The following DAB1 variants were observed in gnomAD, a reference collection of about 807,000 sequenced individuals.
DAB1 encodes the protein disabled homolog 1.
In DAB1, 15 loss-of-function variants were observed where a neutral mutation model predicts 64.6. That is an observed-to-expected ratio of 0.23 (90% CI 0.16 to 0.36). The LOEUF (loss-of-function observed/expected upper bound fraction) is 0.36, where lower values mean the gene tolerates loss of function less well. DAB1 is among the 10% of genes least tolerant of loss of function. DAB1 has a pLI of 1.00. For missense variants in DAB1, 596 were observed against 706.7 expected (o/e 0.84, Z 1.78); for synonymous variants, 235 against 251.9 (o/e 0.93, Z 0.64).
chr1:57,504,837 C>T (rs1390618286), intron 7 of DAB1, among the ~76,000 whole-genome samples: 1 of 152,192 alleles, frequency 6.6e-6, no homozygotes, highest in African/African-American at 2.4e-5. Flanking sequence ...TTCCAAAAAT[C>T]TATAACCCCA....
intron 7 of DAB1, among the ~76,000 whole-genome samples, chr1:57,639,002 T>A (rs1646094009): frequency 8.7e-6 from 1 of 114,608 alleles, no homozygotes; most frequent in Non-Finnish European, 1.8e-5. Context: ...AATAACTTTA[T>A]AAAGTTCTTC....
At chr1:57,464,391 C>T (rs546089297) in intron 7 of DAB1, among the ~76,000 whole-genome samples, 3 of 152,144 alleles carry the variant, frequency 2.0e-5, no homozygotes, top group South Asian at 2.1e-4. Flanking sequence ...ATTTAAAAAT[C>T]GCTTTCTCAA....
upstream of DAB1, among the ~76,000 whole-genome samples, chr1:57,425,735 C>A (rs1685260154): frequency 6.6e-6 from 1 of 152,150 alleles, no homozygotes; most frequent in East Asian, 1.9e-4. Context: ...GAGGTCCTAT[C>A]CCTGATACTA....
upstream of DAB1, among the ~76,000 whole-genome samples, chr1:57,425,140 A>G (rs1226351239): frequency 2.0e-5 from 3 of 152,134 alleles, no homozygotes; most frequent in African/African-American, 7.2e-5. Context: ...AATGCAGGAG[A>G]AGAGAGGAGC....
At chr1:57,154,304 T>G (rs934032753) in intron 2 of DAB1, among the ~76,000 whole-genome samples, 1 of 152,224 alleles carries the variant, frequency 6.6e-6, no homozygotes, top group Non-Finnish European at 1.5e-5. Flanking sequence ...TGTCTTTCTG[T>G]GCCTGGCTTA....
intron 7 of DAB1, among the ~76,000 whole-genome samples, chr1:57,468,073 T>C (rs564378624): frequency 1.3e-5 from 2 of 152,328 alleles, no homozygotes; most frequent in Admixed American, 1.3e-4. Flanking sequence ...TTCAGCACAC[T>C]GAACTATATT....
intron 5 of DAB1, chr1:58,150,374 G>C (rs902548157): frequency 6.6e-6 from 1 of 152,132 alleles, no homozygotes; most frequent in Non-Finnish European, 1.5e-5. Context: ...TCCTTTGTCT[G>C]AGCAAGGCAT....
chr1:58,132,021 T>G (rs929882753), intron 5 of DAB1, among the ~76,000 whole-genome samples: 6 of 152,092 alleles, frequency 3.9e-5, no homozygotes, highest in Non-Finnish European at 7.4e-5. Context: ...CTTTACCTAA[T>G]CAAGCCTGGG....
intron 1 of DAB1, among the ~76,000 whole-genome samples, chr1:57,423,454 T>C (rs950853310): frequency 1.3e-5 from 2 of 151,230 alleles, no homozygotes; most frequent in African/African-American, 4.9e-5. Flanking sequence ...AGTAGGGAAG[T>C]GAGAACGGGG....
At chr1:57,687,684 T>C (rs1221747328) in intron 6 of DAB1, among the ~76,000 whole-genome samples, 1 of 148,318 alleles carries the variant, frequency 6.7e-6, no homozygotes, top group East Asian at 2.0e-4. Context: ...AAGGCTACAG[T>C]AACCAAAATA....
At chr1:58,215,581 C>A (rs1431787757) in intron 4 of DAB1, among the ~76,000 whole-genome samples, 4 of 152,064 alleles carry the variant, frequency 2.6e-5, no homozygotes, top group Non-Finnish European at 5.9e-5. Flanking sequence ...ATTTTGCACT[C>A]TATTAAGTGA....
intron 2 of DAB1, among the ~76,000 whole-genome samples, chr1:57,158,333 G>T (rs1408567573): frequency 6.6e-6 from 1 of 152,108 alleles, no homozygotes; most frequent in Non-Finnish European, 1.5e-5. Context: ...TGTTGCCTGG[G>T]AATAAGGGTG....
intron 4 of DAB1, among the ~76,000 whole-genome samples, chr1:58,250,023 C>T (rs1660733253): frequency 1.3e-5 from 2 of 152,196 alleles, no homozygotes; most frequent in Non-Finnish European, 2.9e-5. Context: ...ACTTTTCCCC[C>T]ACTGCCTCCA....
intron 1 of DAB1, among the ~76,000 whole-genome samples, chr1:57,381,865 C>T (rs923470369): frequency 1.3e-5 from 2 of 152,164 alleles, no homozygotes; most frequent in Non-Finnish European, 2.9e-5. Context: ...GAGCTCACTG[C>T]TTTCCCAGAC....
intron 3 of DAB1, among the ~76,000 whole-genome samples, chr1:58,397,296 T>C (rs1260725556): frequency 1.3e-5 from 2 of 152,164 alleles, no homozygotes; most frequent in African/African-American, 4.8e-5. Flanking sequence ...TTGGTTGTTC[T>C]GACATTTCAT....
chr1:58,177,187 C>T (rs1399350498), intron 4 of DAB1, among the ~76,000 whole-genome samples: 1 of 152,138 alleles, frequency 6.6e-6, no homozygotes, highest in Non-Finnish European at 1.5e-5. Flanking sequence ...AGCTAGAACT[C>T]AACCTAAAGT....
chr1:57,869,174 C>A (rs1654431436), intron 1 of DAB1, among the ~76,000 whole-genome samples: 1 of 152,078 alleles, frequency 6.6e-6, no homozygotes, highest in South Asian at 2.1e-4. Flanking sequence ...AGTGACTTAT[C>A]CTTCGTCTCT....
chr1:57,919,782 G>A (rs2102021003), intron 5 of DAB1, among the ~76,000 whole-genome samples: 1 of 152,298 alleles, frequency 6.6e-6, no homozygotes, highest in Admixed American at 6.5e-5. Flanking sequence ...GTTAGATGAG[G>A]GGGAGCCTTA....
intron 3 of DAB1, among the ~76,000 whole-genome samples, chr1:58,451,083 T>C (rs1222011081): frequency 6.6e-6 from 1 of 152,232 alleles, no homozygotes; most frequent in East Asian, 1.9e-4. Context: ...TTTTAAATTT[T>C]TATTAATTTA....
Sources: allele counts gnomAD v4.1 joint callset (sites outside exome capture counted in the v4.1 genomes callset), GRCh38; gene constraint gnomAD v4.1.1; transcripts MANE v1.5; gene names NCBI Gene and HGNC (gene_info 2026-07-23, HGNC 2026-07-21).